The following TMEM132D variants were observed in gnomAD, a reference collection of about 807,000 sequenced individuals.
TMEM132D encodes the protein transmembrane protein 132D.
TMEM132D carries 21 observed loss-of-function variants against 62.3 expected under a neutral mutation model. The ratio of observed to expected loss-of-function variants is 0.34; its 90% CI spans 0.24 to 0.49. The LOEUF is 0.49. Ranked by LOEUF, TMEM132D falls within the 20% of genes least tolerant of loss-of-function variation. The pLI, the probability that TMEM132D is intolerant of heterozygous loss-of-function variation, is 0.99. For synonymous variants in TMEM132D, 621 were observed against 575.6 expected (o/e 1.08, Z -1.13); for missense variants, 1,346 against 1,402.8 (o/e 0.96, Z 0.65).
chr12:129,378,222 T>A (rs890932710), intron 3 of TMEM132D, among the ~76,000 whole-genome samples: 1 of 152,368 alleles, frequency 6.6e-6, no homozygotes, highest in East Asian at 1.9e-4. Flanking sequence ...GATGAGAAGA[T>A]GTTTCACTGG....
At chr12:129,106,273 G>A (rs1381269071) in intron 5 of TMEM132D, among the ~76,000 whole-genome samples, 6 of 130,942 alleles carry the variant, frequency 4.6e-5, no homozygotes, top group African/African-American at 1.3e-4. Flanking sequence ...GTTGTGGGAG[G>A]GCGGAGGGGG....
At chr12:129,492,095 G>A (rs1874812602) in intron 3 of TMEM132D, among the ~76,000 whole-genome samples, 1 of 152,336 alleles carries the variant, frequency 6.6e-6, no homozygotes, top group Non-Finnish European at 1.5e-5. Flanking sequence ...AATTTGTAAG[G>A]TCTAAAAGAG....
intron 3 of TMEM132D, among the ~76,000 whole-genome samples, chr12:129,377,456 A>T (rs75324168): frequency 0.021 from 3,224 of 152,290 alleles, 105 homozygotes; most frequent in African/African-American, 0.073. Flanking sequence ...AGAGCATTCC[A>T]GGCTTTGAAA....
chr12:129,344,308 T>C (rs1164056863), intron 3 of TMEM132D, among the ~76,000 whole-genome samples: 1 of 152,106 alleles, frequency 6.6e-6, no homozygotes, highest in African/African-American at 2.4e-5. Flanking sequence ...GGACTACCTT[T>C]GGGTAAATGT....
intron 4 of TMEM132D, among the ~76,000 whole-genome samples, chr12:129,218,795 A>G (rs1273086366): frequency 6.6e-6 from 1 of 152,126 alleles, no homozygotes; most frequent in Admixed American, 6.5e-5. Context: ...ATTCCCCCCA[A>G]AACAGGCCTA....
At chr12:129,111,860 G>C (rs559520895) in intron 5 of TMEM132D, among the ~76,000 whole-genome samples, 2 of 152,284 alleles carry the variant, frequency 1.3e-5, no homozygotes, top group African/African-American at 2.4e-5. Context: ...CATATTTTCA[G>C]TCCAGCATTA....
At chr12:129,692,248 T>C (rs559066697) in intron 2 of TMEM132D, among the ~76,000 whole-genome samples, 3 of 152,058 alleles carry the variant, frequency 2.0e-5, no homozygotes, top group African/African-American at 7.2e-5. Flanking sequence ...TCAAGTGGAG[T>C]TTATTCCAGG....
intron 2 of TMEM132D, among the ~76,000 whole-genome samples, chr12:129,664,226 C>T (rs1295608657): frequency 6.6e-6 from 1 of 152,156 alleles, no homozygotes; most frequent in Non-Finnish European, 1.5e-5. Context: ...CTTGGAAGGG[C>T]AGCCCAAGCC....
intron 4 of TMEM132D, among the ~76,000 whole-genome samples, chr12:129,278,983 G>A (rs1881068958): frequency 1.3e-5 from 2 of 152,254 alleles, no homozygotes; most frequent in South Asian, 2.1e-4. Flanking sequence ...TCCAGGCTTC[G>A]GGTGGTTGGT....
At chr12:129,869,883 G>A (rs1039870138) in intron 1 of TMEM132D, among the ~76,000 whole-genome samples, 3 of 152,182 alleles carry the variant, frequency 2.0e-5, no homozygotes, top group African/African-American at 7.2e-5. Context: ...CTTGTTGACT[G>A]ATATCATACA....
chr12:129,115,171 T>A (rs79023916), intron 5 of TMEM132D, among the ~76,000 whole-genome samples: 100 of 152,374 alleles, frequency 6.6e-4, no homozygotes, highest in African/African-American at 2.3e-3. Flanking sequence ...TGACATCTCA[T>A]GTCGCTATCC....
At chr12:129,631,510 G>T (rs569890345) in intron 2 of TMEM132D, among the ~76,000 whole-genome samples, 1 of 152,310 alleles carries the variant, frequency 6.6e-6, no homozygotes, top group East Asian at 1.9e-4. Flanking sequence ...GTATTCATGA[G>T]AATTACTGAG....
intron 4 of TMEM132D, among the ~76,000 whole-genome samples, chr12:129,238,907 T>G (rs149187056): frequency 2.0e-5 from 3 of 152,296 alleles, no homozygotes; most frequent in African/African-American, 7.2e-5. Flanking sequence ...CATACTGTTT[T>G]CCACAAAAGC....
At chr12:129,618,580 G>C (rs907440093) in intron 2 of TMEM132D, among the ~76,000 whole-genome samples, 2 of 152,182 alleles carry the variant, frequency 1.3e-5, no homozygotes, top group Non-Finnish European at 1.5e-5. Context: ...TCAAAAACCA[G>C]AAGAGAAGAG....
Position 129,506,348 on chromosome 12 carries a change from G to A in TMEM132D, c.1115+24711C>T, listed in dbSNP as rs182809845. Among the ~76,000 whole-genome samples the A allele has an allele frequency of 4.2e-3, 633 of 152,170 alleles. 7 individuals are homozygous for A. Among genetic ancestry groups the A allele is most frequent in the Admixed American group, 1.0e-2 (152 of 15,272 alleles). On this transcript the variant is annotated intron_variant, in intron 3 of 8. Transcript: ENST00000422113. Reference sequence around the variant, plus strand: ...ACCACCATCATTCTTCACACAACTGGAAAATACAATCCTAAAATGTATATG... The same window carrying A: ...ACCACCATCATTCTTCACACAACTGAAAAATACAATCCTAAAATGTATATG...
chr12:129,366,791 G>T (rs1172301541), intron 3 of TMEM132D, among the ~76,000 whole-genome samples: 2 of 152,140 alleles, frequency 1.3e-5, no homozygotes, highest in East Asian at 3.9e-4. Flanking sequence ...AGGGGGCCGA[G>T]AATCCTTCAG....
chr12:129,747,691 TCAGA>T (rs890094947), intron 1 of TMEM132D, among the ~76,000 whole-genome samples: 7 of 145,784 alleles, frequency 4.8e-5, no homozygotes, highest in East Asian at 2.0e-4. Flanking sequence ...AGACATGCAC[TCAGA>T]CACACTCAAC....
At chr12:129,740,172 G>A (rs774478484) in intron 1 of TMEM132D, among the ~76,000 whole-genome samples, 5 of 152,064 alleles carry the variant, frequency 3.3e-5, no homozygotes, top group African/African-American at 9.7e-5. Context: ...TGACCATATC[G>A]TTGTAATCAG....
At chr12:129,314,706 T>TGATGGAGAATTGCATTGAA (rs1385222129) in intron 4 of TMEM132D, among the ~76,000 whole-genome samples, 4 of 152,332 alleles carry the variant, frequency 2.6e-5, no homozygotes, top group Admixed American at 1.3e-4. Context: ...TAGATTGCTT[T>TGATGGAGAATTGCATTGAA]TGGCAGTGTG....
Sources: allele counts gnomAD v4.1 joint callset (sites outside exome capture counted in the v4.1 genomes callset), GRCh38; gene constraint gnomAD v4.1.1; transcripts MANE v1.5; gene names NCBI Gene and HGNC (gene_info 2026-07-23, HGNC 2026-07-21).